AGAP1: variants seen among roughly 807,000 people sequenced by gnomAD.
AGAP1 encodes ArfGAP with GTPase domain, ankyrin repeat and PH domain 1.
Under a neutral mutation model 105.3 loss-of-function variants are expected in AGAP1, and 29 were observed. The observed-to-expected ratio is 0.28, with a 90% confidence interval of 0.21 to 0.38. AGAP1 has a LOEUF of 0.38. Among genes scored for constraint, AGAP1 ranks in the 10% least tolerant of loss-of-function variants. The probability of loss-of-function intolerance (pLI) is 1.00; values close to 1 mark genes in which losing one functional copy is unlikely to be tolerated. For missense variants in AGAP1, 998 were observed against 1,165.1 expected (o/e 0.86, Z 2.09); for synonymous variants, 509 against 485.9 (o/e 1.05, Z -0.63).
At position 236,083,555 on chromosome 2, in the gene AGAP1, C is replaced by T. The variant is rs142326010; in HGVS notation, c.2114+34274C>T. ...AACTAAGACATTGTCACTGGAATTC[C>T]GTATAAATGTGTGCATGCTCACACC... On this transcript the variant is annotated intron_variant, in intron 16 of 17. Coordinates refer to ENST00000304032, the MANE Select transcript of AGAP1 (RefSeq NM_001037131.3). This position sits in a 1 kb window ranked among gnomAD's most constrained non-coding sequence, Gnocchi z 5.3. 5.1e-3 allele frequency among the ~76,000 whole-genome samples: 772 copies of T among 152,244 alleles called. 6 individuals carry two copies. The highest frequency in any genetic ancestry group is 0.018 in the African/African-American group (731 of 41,546).
At chr2:236,099,513 TTAAA>T (rs1167684593) in intron 16 of AGAP1, among the ~76,000 whole-genome samples, 1 of 151,926 alleles carries the variant, frequency 6.6e-6, no homozygotes, top group African/African-American at 2.4e-5. Flanking sequence ...ATTCAGGACA[TTAAA>T]TAAGTCATTT....
intron 13 of AGAP1, among the ~76,000 whole-genome samples, chr2:236,034,006 C>T (rs751115493): frequency 3.9e-5 from 6 of 152,186 alleles, no homozygotes; most frequent in Admixed American, 3.9e-4. Context: ...GAAAAATTGT[C>T]ACATCCCACC....
intron 13 of AGAP1, among the ~76,000 whole-genome samples, chr2:236,029,984 C>T (rs1163078894): frequency 6.6e-6 from 1 of 152,182 alleles, no homozygotes; most frequent in Non-Finnish European, 1.5e-5. Flanking sequence ...AGTGATTCTG[C>T]CACCTCACAT....
chr2:235,858,599 A>G (rs899381014), intron 9 of AGAP1, among the ~76,000 whole-genome samples: 2 of 152,240 alleles, frequency 1.3e-5, no homozygotes, highest in Non-Finnish European at 2.9e-5. Flanking sequence ...GATAAAAAAA[A>G]ATATGAACTA....
At chr2:235,529,906 G>A (rs1942984570) in intron 1 of AGAP1, among the ~76,000 whole-genome samples, 2 of 152,172 alleles carry the variant, frequency 1.3e-5, no homozygotes, top group Non-Finnish European at 2.9e-5. Context: ...ATGAGGATGG[G>A]ATTCAACAAC....
Position 236,038,819 on chromosome 2 carries a change from ATGTGTGTGTGTGTG to A in AGAP1, c.1801-1915_1801-1902del, listed in dbSNP as rs3030744. 5.4e-4 allele frequency among the ~76,000 whole-genome samples: 52 copies of A among 95,750 alleles called. No individual in the cohort carries two copies. Among genetic ancestry groups the A allele is most frequent in the African/African-American group, 2.9e-5 (1 of 34,646 alleles). The allele number at this position is 95,750 out of a possible 152,430, so 62.8% of individuals were successfully genotyped here. Reference sequence around the variant, plus strand: ...GAGAGACAGAGGCACATCCCTTTGTATGTGTGTGTGTGTGTGTGTGTGTGTGTGTGATCACACAC... The same window carrying A: ...GAGAGACAGAGGCACATCCCTTTGTATGTGTGTGTGTGTGTGATCACACAC... On this transcript the variant is annotated intron_variant, in intron 14 of 17. Coordinates refer to ENST00000304032, the MANE Select transcript of AGAP1 (RefSeq NM_001037131.3). This position sits in a 1 kb window ranked among gnomAD's most constrained non-coding sequence, Gnocchi z 4.5.
chr2:235,738,766 C>T (rs1377242676), intron 3 of AGAP1, among the ~76,000 whole-genome samples: 1 of 152,144 alleles, frequency 6.6e-6, no homozygotes, highest in East Asian at 1.9e-4. Flanking sequence ...CCGTGTTGGT[C>T]ATGCTGGTCT....
At chr2:235,695,645 A>G (rs998103506) in intron 1 of AGAP1, among the ~76,000 whole-genome samples, 3 of 152,140 alleles carry the variant, frequency 2.0e-5, no homozygotes, top group Admixed American at 6.5e-5. Context: ...AAGCATACAT[A>G]TTGGCAGAGC....
At chr2:235,646,097 A>T (rs934259429) in intron 1 of AGAP1, among the ~76,000 whole-genome samples, 1 of 152,074 alleles carries the variant, frequency 6.6e-6, no homozygotes, top group African/African-American at 2.4e-5. Context: ...CAACACAGTG[A>T]AATCTAGTCT....
chr2:236,106,034 C>T (rs1042642650), intron 16 of AGAP1, among the ~76,000 whole-genome samples: 1 of 152,192 alleles, frequency 6.6e-6, no homozygotes, highest in African/African-American at 2.4e-5. Context: ...CTTTCCGGAG[C>T]ACACACACAC....
intron 6 of AGAP1, among the ~76,000 whole-genome samples, chr2:235,762,494 C>T (rs369873646): frequency 1.3e-5 from 2 of 152,072 alleles, no homozygotes; most frequent in Non-Finnish European, 2.9e-5. Context: ...ACGAGGAGAG[C>T]GATGCACTGA....
chr2:235,797,053 CT>C (rs1957274848), intron 6 of AGAP1, among the ~76,000 whole-genome samples: 1 of 151,978 alleles, frequency 6.6e-6, no homozygotes, highest in Non-Finnish European at 1.5e-5. Context: ...TAAAAAAGGT[CT>C]TTGATATAAT....
In AGAP1 at chr2:235,635,980, G is replaced by A. The variant is rs531718241; in HGVS notation, c.164-73199G>A. ...CTACAAAAATGAGCTGGGCATGGGG[G>A]TGCATGCCTGTAATCCCAGCTACTT... On this transcript the variant is annotated intron_variant, in intron 1 of 17. Transcript: ENST00000304032. The surrounding 1 kb of genome is among the most constrained non-coding windows in gnomAD (Gnocchi z 5.3). Among the ~76,000 whole-genome samples, 5 of 151,840 alleles carry A rather than the reference G, an allele frequency of 3.3e-5. No homozygotes were observed. The highest frequency in any genetic ancestry group is 7.4e-5 in the Non-Finnish European group (5 of 67,980).
At position 235,983,829 on chromosome 2, in the gene AGAP1, C is replaced by A. The variant is rs2055192748; in HGVS notation, c.1645+15206C>A. 6.6e-6 allele frequency among the ~76,000 whole-genome samples: 1 copy of A among 152,206 alleles called. No individual in the cohort carries two copies. Among genetic ancestry groups the A allele is most frequent in the African/African-American group, 2.4e-5 (1 of 41,452 alleles). ...GCTTATGTATGGACTCTGTGATGGT[C>A]ACACAATGACAAAATCGCCTAACGA... On this transcript the variant is annotated intron_variant, in intron 13 of 17. Transcript: ENST00000304032. The surrounding 1 kb of genome is among the most constrained non-coding windows in gnomAD (Gnocchi z 4.5).
chr2:235,966,300 A>G (rs547075474), intron 12 of AGAP1, among the ~76,000 whole-genome samples: 15 of 106,124 alleles, frequency 1.4e-4, no homozygotes, highest in Non-Finnish European at 8.1e-5. Context: ...GGGGATGGAG[A>G]AGAGGGGGGC....
chr2:235,589,194 GTTTTTTTT>G (rs928149334), intron 1 of AGAP1, among the ~76,000 whole-genome samples: 4 of 59,614 alleles, frequency 6.7e-5, no homozygotes, highest in African/African-American at 1.6e-4. Flanking sequence ...TTATTGTTTT[GTTTTTTTT>G]TTTTTTTTTT....
intron 13 of AGAP1, among the ~76,000 whole-genome samples, chr2:236,006,306 G>A (rs2056320681): frequency 6.6e-6 from 1 of 152,078 alleles, no homozygotes; most frequent in Non-Finnish European, 1.5e-5. Context: ...CACAATCTTA[G>A]AATCGGCTGT....
intron 1 of AGAP1, among the ~76,000 whole-genome samples, chr2:235,560,661 A>G (rs1454785131): frequency 3.3e-5 from 5 of 152,200 alleles, no homozygotes; most frequent in Non-Finnish European, 5.9e-5. Context: ...AAGAATGTGG[A>G]TGGCATCTAA....
At chr2:235,746,615 C>T (rs532540234) in intron 5 of AGAP1, among the ~76,000 whole-genome samples, 2 of 151,930 alleles carry the variant, frequency 1.3e-5, no homozygotes, top group East Asian at 1.9e-4. Context: ...AATGCCTAAT[C>T]GTGTTTTAAA....
Sources: gnomAD v4.1 joint callset for allele counts (sites outside exome capture counted in the v4.1 genomes callset) on GRCh38, gnomAD v4.1.1 for gene constraint, Gnocchi (gnomAD v3.1) non-coding constraint, MANE v1.5 for transcripts, NCBI Gene and HGNC (gene_info 2026-07-23, HGNC 2026-07-21) for gene names.